USP8: variants seen among roughly 807,000 people sequenced by gnomAD.
USP8 encodes the protein ubiquitin specific peptidase 8, also known as ubiquitin carboxyl-terminal hydrolase 8.
Under a neutral mutation model 130.0 loss-of-function variants are expected in USP8, and 27 were observed. That is an observed-to-expected ratio of 0.21 (90% CI 0.15 to 0.29). USP8 has a LOEUF of 0.29. Among genes scored for constraint, USP8 ranks in the 10% least tolerant of loss-of-function variants. The probability of loss-of-function intolerance (pLI) is 1.00; values close to 1 mark genes in which losing one functional copy is unlikely to be tolerated. For missense variants in USP8, 1,029 were observed against 1,312.2 expected, an observed-to-expected ratio of 0.78 and a Z score of 3.33; for synonymous variants, 392 against 444.1, an observed-to-expected ratio of 0.88 and a Z score of 1.48.
At chr15:50,472,325 G>C (rs1377138634) in intron 8 of USP8, among the ~76,000 whole-genome samples, 1 of 152,022 alleles carries the variant, frequency 6.6e-6, no homozygotes, top group South Asian at 2.1e-4. Context: ...GCCAGGCGCG[G>C]TGGCTCAAGC....
intron 4 of USP8, among the ~76,000 whole-genome samples, chr15:50,454,707 G>C (rs148976930): frequency 6.6e-6 from 1 of 151,962 alleles, no homozygotes; most frequent in South Asian, 2.1e-4. Context: ...CACCCACCTC[G>C]GCCTCCCAGA....
At chr15:50,447,008 A>G (rs913751122) in intron 3 of USP8, among the ~76,000 whole-genome samples, 2 of 152,212 alleles carry the variant, frequency 1.3e-5, no homozygotes, top group Admixed American at 6.5e-5. Flanking sequence ...TATATCACTC[A>G]TATTCTGTTC....
chr15:50,493,238 C>A, intron 15 of USP8: 1 of 508,316 alleles, frequency 2.0e-6, no homozygotes, highest in Admixed American at 2.2e-5. Flanking sequence ...TCTTTAAAGG[C>A]CCCATCTCTT....
chr15:50,435,779 C>T (rs765226322), intron 1 of USP8, among the ~76,000 whole-genome samples: 3 of 152,180 alleles, frequency 2.0e-5, no homozygotes, highest in Non-Finnish European at 4.4e-5. Context: ...CTTATTTGAA[C>T]TGTTTCCAAA....
rs772090859 is a variant in USP8, at chr15:50,509,423, G to A, written c.*10335G>A. On this transcript the variant is annotated 3_prime_UTR_variant, in exon 20 of 20. Coordinates refer to ENST00000307179, the MANE Select transcript of USP8 (RefSeq NM_005154.5). ...AGCACTTTGGAAGGCTGAGGCAGGC[G>A]GATCACCAGGTCAGGAAATTGAGAC... The A allele has an allele frequency of 1.3e-5, 2 of 152,076 alleles. No homozygotes were observed. The highest frequency in any genetic ancestry group is 2.4e-5 in the African/African-American group (1 of 41,378). 9.4% of individuals were successfully genotyped at this position (152,076 alleles called of 1,614,324 possible). A position where few individuals can be genotyped will look rare whatever the true frequency, so the allele number is the denominator to read the frequency against.
Position 50,498,968 on chromosome 15 carries a change from G to C in USP8, c.3237G>C (p.Arg1079=), listed in dbSNP as rs1339898179. 3 of 1,613,948 alleles carry C rather than the reference G, an allele frequency of 1.9e-6. No individual in the cohort carries two copies. The highest frequency in any genetic ancestry group is 2.5e-6 in the Non-Finnish European group (3 of 1,179,870). Residue 1079 remains arginine (R), a synonymous_variant, in exon 20 of 20, where the codon CGG becomes CGC. Transcript: ENST00000307179. ...TAYCKNAARQ[R]WFKFDDHEVS... ...ATTGTAAAAATGCAGCAAGACAACG[G>C]TGGTTTAAGTTTGATGATCATGAAG... is the stretch of plus-strand genomic sequence containing the variant.
Position 50,512,325 on chromosome 15 carries a change from T to TAA in USP8, c.*13250_*13251dup, listed in dbSNP as rs1373639566. ...CCTGGGCAACAGAGCAAGACTCTGT[T>TAA]AAAAAAAAAAAAAATAGCGAGAGAT... On this transcript the variant is annotated 3_prime_UTR_variant, in exon 20 of 20. Transcript: ENST00000307179. 15 of 136,310 alleles carry TAA rather than the reference T, an allele frequency of 1.1e-4. No individual in the cohort carries two copies. The highest frequency in any genetic ancestry group is 3.2e-4 in the African/African-American group (12 of 37,574). The allele number at this position is 136,310 out of a possible 1,614,324, so 8.4% of individuals were successfully genotyped here. A position where few individuals can be genotyped will look rare whatever the true frequency, so the allele number is the denominator to read the frequency against.
rs990405229 is a variant in USP8, at chr15:50,507,180, A to T, written c.*8092A>T. ...TGCCAGTAATCCCAACTACTTGGGA[A>T]GCTGAGGCAGGAGAGTTGCTTGAAC... On this transcript the variant is annotated 3_prime_UTR_variant, in exon 20 of 20. Coordinates refer to ENST00000307179, the MANE Select transcript of USP8 (RefSeq NM_005154.5). The T allele has an allele frequency of 1.3e-5, 2 of 150,684 alleles. No homozygotes were observed. Among genetic ancestry groups the T allele is most frequent in the Non-Finnish European group, 2.9e-5 (2 of 67,866 alleles). The allele number at this position is 150,684 out of a possible 1,614,324, so 9.3% of individuals were successfully genotyped here.
Position 50,489,894 on chromosome 15 carries a change from A to T in USP8, c.1971+13A>T. The T allele has an allele frequency of 6.4e-7, 1 of 1,559,586 alleles. No individual in the cohort carries two copies. The highest frequency in any genetic ancestry group is 8.6e-7 in the Non-Finnish European group (1 of 1,158,094). Reference sequence around the variant, plus strand: ...AGGCTGGGCCAAGGTAAAAGTCAGAATTAGCAGTAAAATAGCCACTGTGTT... The same window carrying T: ...AGGCTGGGCCAAGGTAAAAGTCAGATTTAGCAGTAAAATAGCCACTGTGTT... On this transcript the variant is annotated intron_variant, in intron 13 of 19. Transcript: ENST00000307179.
intron 3 of USP8, among the ~76,000 whole-genome samples, chr15:50,446,721 C>G (rs972533586): frequency 2.0e-4 from 31 of 152,324 alleles, no homozygotes; most frequent in Admixed American, 2.0e-3. Flanking sequence ...ATCAGCCAAA[C>G]AAAGCATGAT....
rs555345057 is a variant in USP8, at chr15:50,509,649, A to AAAAATAAAAT, written c.*10581_*10590dup. On this transcript the variant is annotated 3_prime_UTR_variant, in exon 20 of 20. Coordinates refer to ENST00000307179, the MANE Select transcript of USP8 (RefSeq NM_005154.5). ...GGCGACAGAGCGAGACTGCGTCTCA[A>AAAAATAAAAT]AAAATAAAATAAAATAAAATAAAAT... The AAAAATAAAAT allele has an allele frequency of 4.6e-5, 7 of 152,134 alleles. No individual in the cohort carries two copies. The highest frequency in any genetic ancestry group is 1.3e-4 in the Admixed American group (2 of 15,284). 9.4% of individuals were successfully genotyped at this position (152,134 alleles called of 1,614,324 possible). A position where few individuals can be genotyped will look rare whatever the true frequency, so the allele number is the denominator to read the frequency against.
Position 50,459,131 on chromosome 15 carries a change from A to G in USP8, c.467A>G (p.Asn156Ser). ...GGTLAKGSLENVLDSKDKTQK... is the reference protein window; with the variant it reads ...GGTLAKGSLESVLDSKDKTQK... ...ACATTGGCTAAAGGCTCTTTGGAGAATGTTTTGGATTCCAAAGACAAAACC... is the reference window on the plus strand; with the variant it reads ...ACATTGGCTAAAGGCTCTTTGGAGAGTGTTTTGGATTCCAAAGACAAAACC... Residue 156 changes from asparagine (N) to serine (S), a missense_variant, in exon 5 of 20, where the codon AAT becomes AGT. Asn to Ser is a conservative substitution (Grantham distance 46). This residue lies in a region of USP8 where 281 missense variants were observed against 336.7 expected (regional missense o/e 0.83). Coordinates refer to ENST00000307179, the MANE Select transcript of USP8 (RefSeq NM_005154.5). The G allele has an allele frequency of 1.2e-6, 2 of 1,609,504 alleles. No homozygotes were observed. The highest frequency in any genetic ancestry group is 1.7e-6 in the Non-Finnish European group (2 of 1,179,048).
At chr15:50,480,492 G>C (rs2051725641) in intron 10 of USP8, among the ~76,000 whole-genome samples, 1 of 152,298 alleles carries the variant, frequency 6.6e-6, no homozygotes, top group African/African-American at 2.4e-5. Flanking sequence ...ATAAGAGCAT[G>C]TATCAGGGGA....
At position 50,506,945 on chromosome 15, in the gene USP8, G is replaced by C. The variant is rs1475904287; in HGVS notation, c.*7857G>C. 3 of 108,574 alleles carry C rather than the reference G, an allele frequency of 2.8e-5. No individual in the cohort carries two copies. The highest frequency in any genetic ancestry group is 5.9e-4 in the East Asian group (2 of 3,366). 6.7% of individuals were successfully genotyped at this position (108,574 alleles called of 1,614,324 possible). The stretch of plus-strand genomic sequence containing the variant: ...TGCATTCCAGCCTGGGCGACAGAGC[G>C]AGACTTCATCTCAAAAAAAAAAAAA... On this transcript the variant is annotated 3_prime_UTR_variant, in exon 20 of 20. Transcript: ENST00000307179.
chr15:50,469,217 T>A (rs1397111226), intron 7 of USP8, among the ~76,000 whole-genome samples: 1 of 152,140 alleles, frequency 6.6e-6, no homozygotes, highest in Admixed American at 6.5e-5. Context: ...ACTTACTGGA[T>A]ATGATTTCGT....
intron 11 of USP8, among the ~76,000 whole-genome samples, chr15:50,483,762 C>T (rs1340881458): frequency 6.6e-6 from 1 of 151,476 alleles, no homozygotes; most frequent in African/African-American, 2.4e-5. Context: ...CCACTGCACT[C>T]CAGCCTGGGT....
chr15:50,440,809 CCTGA>C (rs1347999131), intron 2 of USP8, among the ~76,000 whole-genome samples: 14 of 152,014 alleles, frequency 9.2e-5, no homozygotes, highest in Admixed American at 7.2e-4. Context: ...TCAAGACCAG[CCTGA>C]CTAACATGGT....
At chr15:50,464,183 G>C (rs1422746303) in intron 6 of USP8, among the ~76,000 whole-genome samples, 6 of 152,142 alleles carry the variant, frequency 3.9e-5, no homozygotes, top group African/African-American at 1.4e-4. Flanking sequence ...AAACAAACTA[G>C]TGTGGCAGTG....
At chr15:50,443,832 A>G (rs1429509867) in intron 3 of USP8, among the ~76,000 whole-genome samples, 1 of 151,974 alleles carries the variant, frequency 6.6e-6, no homozygotes, top group Non-Finnish European at 1.5e-5. Flanking sequence ...TTGCATTTGG[A>G]GGTTCATTCA....
Sources: gnomAD v4.1 joint callset for allele counts (sites outside exome capture counted in the v4.1 genomes callset) on GRCh38, gnomAD v4.1.1 for gene constraint, gnomAD v4.1.1 regional missense constraint, MANE v1.5 for transcripts, NCBI Gene and HGNC (gene_info 2026-07-23, HGNC 2026-07-21) for gene names.